Variants in NRIP1 observed in about 807,000 individuals in gnomAD.
NRIP1 encodes the protein nuclear receptor-interacting protein 1.
In NRIP1, 28 loss-of-function variants were observed where a neutral mutation model predicts 75.0. That is an observed-to-expected ratio of 0.37 (90% CI 0.28 to 0.51). The LOEUF (loss-of-function observed/expected upper bound fraction) is 0.51, where lower values mean the gene tolerates loss of function less well. Ranked by LOEUF, NRIP1 falls within the 20% of genes least tolerant of loss-of-function variation. The probability of loss-of-function intolerance (pLI) is 0.92; values close to 1 mark genes in which losing one functional copy is unlikely to be tolerated. For synonymous variants in NRIP1, 526 were observed against 487.6 expected (o/e 1.08, Z -1.04); for missense variants, 1,435 against 1,343.7 (o/e 1.07, Z -1.06).
intron 2 of NRIP1, among the ~76,000 whole-genome samples, chr21:15,020,162 A>C (rs2147203296): frequency 6.6e-6 from 1 of 152,344 alleles, no homozygotes; most frequent in Admixed American, 6.5e-5. Context: ...ACTCTGAAAA[A>C]GTATGAAGCT....
intron 2 of NRIP1, among the ~76,000 whole-genome samples, chr21:15,035,897 T>C (rs545158882): frequency 3.9e-5 from 6 of 152,314 alleles, no homozygotes; most frequent in African/African-American, 1.4e-4. Context: ...TTAATAGAAA[T>C]CCATGGGAGT....
At chr21:15,011,411 G>A (rs1027176602) in intron 3 of NRIP1, among the ~76,000 whole-genome samples, 3 of 152,118 alleles carry the variant, frequency 2.0e-5, no homozygotes, top group Non-Finnish European at 4.4e-5. Context: ...GGATGGTCTC[G>A]ATCTCCTGAC....
chr21:14,963,525 C>T lies in NRIP1; in HGVS notation c.*1191G>A, dbSNP rs1218873668. 1.3e-5 allele frequency: 2 copies of T among 152,464 alleles called. No homozygotes were observed. The highest frequency in any genetic ancestry group is 4.1e-4 in the South Asian group (2 of 4,832). 9.4% of individuals were successfully genotyped at this position (152,464 alleles called of 1,614,324 possible). A position where few individuals can be genotyped will look rare whatever the true frequency, so the allele number is the denominator to read the frequency against. ...GAACTACAATATTGCAAATTTTGAG[C>T]TGATGTGTGACTGTATTGGGGAAAA... On this transcript the variant is annotated 3_prime_UTR_variant, in exon 4 of 4. Coordinates refer to ENST00000318948, the MANE Select transcript of NRIP1 (RefSeq NM_003489.4).
chr21:14,987,486 T>C (rs2087438551), intron 3 of NRIP1, among the ~76,000 whole-genome samples: 1 of 152,184 alleles, frequency 6.6e-6, no homozygotes, highest in Non-Finnish European at 1.5e-5. Flanking sequence ...GTCTGTCACC[T>C]TGTTAAGGCC....
chr21:15,039,731 A>C (rs2088912272), intron 2 of NRIP1, among the ~76,000 whole-genome samples: 1 of 152,054 alleles, frequency 6.6e-6, no homozygotes, highest in Non-Finnish European at 1.5e-5. Context: ...AAAAAGAAAA[A>C]CACACTTCCC....
intron 1 of NRIP1, among the ~76,000 whole-genome samples, chr21:15,044,569 C>G (rs1600919623): frequency 6.6e-6 from 1 of 152,072 alleles, no homozygotes; most frequent in African/African-American, 2.4e-5. Flanking sequence ...CCACTTAGAT[C>G]TGACTTATAC....
intron 2 of NRIP1, among the ~76,000 whole-genome samples, chr21:15,025,133 G>A (rs1023057540): frequency 2.0e-5 from 3 of 152,056 alleles, no homozygotes; most frequent in Non-Finnish European, 4.4e-5. Flanking sequence ...ATCGATGTGG[G>A]GTGAGAACGG....
In NRIP1 at chr21:14,964,012, G is replaced by A. The variant is rs1282722545; in HGVS notation, c.*704C>T. The stretch of plus-strand genomic sequence containing the variant: ...TAAAGTAGTTAAAATACAAAAAATG[G>A]AAATCTGCCTTTTTTTTAAAGGATC... On this transcript the variant is annotated 3_prime_UTR_variant, in exon 4 of 4. Transcript: ENST00000318948. 6.6e-6 allele frequency: 1 copy of A among 152,456 alleles called. No homozygotes were observed. The allele number at this position is 152,456 out of a possible 1,614,324, so 9.4% of individuals were successfully genotyped here.
At chr21:15,001,574 A>G (rs2087850615) in intron 3 of NRIP1, among the ~76,000 whole-genome samples, 3 of 152,172 alleles carry the variant, frequency 2.0e-5, no homozygotes, top group African/African-American at 7.2e-5. Flanking sequence ...AAAAAAAATT[A>G]TAAGAAATAT....
chr21:15,021,347 T>C (rs2088369091), intron 2 of NRIP1, among the ~76,000 whole-genome samples: 2 of 152,178 alleles, frequency 1.3e-5, no homozygotes, highest in Non-Finnish European at 2.9e-5. Flanking sequence ...CATTTATATA[T>C]GAAATGTCTT....
At position 14,966,901 on chromosome 21, in the gene NRIP1, T is replaced by A. The variant is rs777446230; in HGVS notation, c.1292A>T (p.Asp431Val). The stretch of plus-strand genomic sequence containing the variant: ...AACACAGTTGGAATAAGAACTTTCA[T>A]CACCACTGCTGTCATCTGTAAAACT... ...NPSFTDDSSG[D>V]ESSYSNCVPI... is the part of the protein sequence containing the mutation. Residue 431 changes from aspartate (D) to valine (V), a missense_variant, in exon 4 of 4, where the codon GAT becomes GTT. Coordinates refer to ENST00000318948, the MANE Select transcript of NRIP1 (RefSeq NM_003489.4). 1 of 1,614,158 alleles carries A rather than the reference T, an allele frequency of 6.2e-7. No homozygotes were observed. Among genetic ancestry groups the A allele is most frequent in the Non-Finnish European group, 8.5e-7 (1 of 1,180,008 alleles).
chr21:15,029,682 T>G (rs977069655), intron 2 of NRIP1, among the ~76,000 whole-genome samples: 1 of 151,952 alleles, frequency 6.6e-6, no homozygotes, highest in African/African-American at 2.4e-5. Flanking sequence ...GTAGGGTGCA[T>G]AGTTCACACC....
intron 3 of NRIP1, among the ~76,000 whole-genome samples, chr21:15,007,201 G>A (rs1374830437): frequency 6.6e-6 from 1 of 152,172 alleles, no homozygotes; most frequent in Non-Finnish European, 1.5e-5. Context: ...AAGCATATTA[G>A]AAAAACAAAA....
chr21:15,051,285 C>T (rs553436555), intron 1 of NRIP1: 12 of 163,966 alleles, frequency 7.3e-5, no homozygotes, highest in East Asian at 3.5e-4. Context: ...TGTGTGTGTG[C>T]GCGTGTGTGT....
intron 2 of NRIP1, among the ~76,000 whole-genome samples, chr21:15,019,019 A>G (rs2088303288): frequency 6.6e-6 from 1 of 151,866 alleles, no homozygotes. Flanking sequence ...GTTTGCTTTT[A>G]TCACTGATGT....
intron 3 of NRIP1, among the ~76,000 whole-genome samples, chr21:14,981,523 G>A (rs1354024680): frequency 1.3e-5 from 2 of 152,214 alleles, no homozygotes; most frequent in Non-Finnish European, 2.9e-5. Context: ...AGACTCAGGA[G>A]GCTTTAGAGG....
At chr21:14,988,386 T>C (rs1178929309) in intron 3 of NRIP1, among the ~76,000 whole-genome samples, 6 of 151,996 alleles carry the variant, frequency 3.9e-5, no homozygotes, top group Non-Finnish European at 5.9e-5. Context: ...TCACCCTATA[T>C]AAAGCTCCTT....
chr21:15,065,344 C>T (rs1452107875), upstream of NRIP1, among the ~76,000 whole-genome samples: 1 of 151,812 alleles, frequency 6.6e-6, no homozygotes, highest in African/African-American at 2.4e-5. Context: ...GGCCGTCCCC[C>T]GGGCTCCCAG....
intron 1 of NRIP1, among the ~76,000 whole-genome samples, chr21:15,059,925 T>C (rs546096056): frequency 6.6e-6 from 1 of 152,322 alleles, no homozygotes; most frequent in Non-Finnish European, 1.5e-5. Context: ...AATACTAATA[T>C]AATGATAAAA....
Sources: allele counts gnomAD v4.1 joint callset (sites outside exome capture counted in the v4.1 genomes callset), GRCh38; gene constraint gnomAD v4.1.1; transcripts MANE v1.5; gene names NCBI Gene and HGNC (gene_info 2026-07-23, HGNC 2026-07-21).